SHQ1: variants seen among roughly 807,000 people sequenced by gnomAD.
SHQ1 encodes protein SHQ1 homolog.
Under a neutral mutation model 53.8 loss-of-function variants are expected in SHQ1, and 49 were observed. That is an observed-to-expected ratio of 0.91 (90% CI 0.72 to 1.16). The LOEUF (loss-of-function observed/expected upper bound fraction) is 1.16. Among genes scored for constraint, SHQ1 ranks in the 50% most tolerant of loss-of-function variants. The pLI, the probability that SHQ1 is intolerant of heterozygous loss-of-function variation, is 0.00. For synonymous variants in SHQ1, 243 were observed against 251.0 expected (o/e 0.97, Z 0.30); for missense variants, 738 against 683.1 (o/e 1.08, Z -0.90).
chr3:72,739,572 C>T, the SHQ1 span, among the ~76,000 whole-genome samples: 1 of 152,168 alleles, frequency 6.6e-6, no homozygotes, highest in Non-Finnish European at 1.5e-5. Context: ...CCCTGGCTTC[C>T]CCTTCTGTAT....
intron 10 of SHQ1, among the ~76,000 whole-genome samples, chr3:72,777,980 A>G (rs1278778101): frequency 6.6e-6 from 1 of 152,258 alleles, no homozygotes; most frequent in African/African-American, 2.4e-5. Flanking sequence ...TCCATTACAT[A>G]AAGTCCAAAA....
At chr3:72,845,226 G>A (rs180836210) in intron 1 of SHQ1, among the ~76,000 whole-genome samples, 6 of 152,320 alleles carry the variant, frequency 3.9e-5, no homozygotes, top group African/African-American at 1.4e-4. Context: ...GCTTACGCCT[G>A]TAATCCTAGC....
chr3:72,792,349 G>C (rs1429442504), intron 10 of SHQ1, among the ~76,000 whole-genome samples: 1 of 152,174 alleles, frequency 6.6e-6, no homozygotes, highest in Non-Finnish European at 1.5e-5. Flanking sequence ...CTGTTTTCCA[G>C]GACATACCAA....
In SHQ1 at chr3:72,751,476, A is replaced by ATGTGTGTGTG. The variant is rs372032784; in HGVS notation, c.1182-650_1182-641dup. ...GGTAATATATCTATAATAAGCACAT[A>ATGTGTGTGTG]TGTGTGTGTGTGTGTGTGTGTGTGT... On this transcript the variant is annotated intron_variant, in intron 10 of 10. Transcript: ENST00000325599. 1.6e-3 allele frequency among the ~76,000 whole-genome samples: 180 copies of ATGTGTGTGTG among 109,610 alleles called. 2 individuals carry two copies. The highest frequency in any genetic ancestry group is 7.2e-3 in the African/African-American group (159 of 21,936). The allele number at this position is 109,610 out of a possible 152,430, so 71.9% of individuals were successfully genotyped here. A position where few individuals can be genotyped will look rare whatever the true frequency, so the allele number is the denominator to read the frequency against.
chr3:72,765,084 C>T (rs1705691117), intron 10 of SHQ1, among the ~76,000 whole-genome samples: 1 of 152,176 alleles, frequency 6.6e-6, no homozygotes, highest in Admixed American at 6.5e-5. Context: ...TCTAATGGTT[C>T]CATTGCTCAA....
chr3:72,800,516 A>C (rs1706755427), intron 9 of SHQ1, among the ~76,000 whole-genome samples: 1 of 152,230 alleles, frequency 6.6e-6, no homozygotes, highest in Non-Finnish European at 1.5e-5. Context: ...CTGACCCTCA[A>C]CCACTATGCA....
intron 10 of SHQ1, among the ~76,000 whole-genome samples, chr3:72,763,046 C>T (rs970849926): frequency 2.8e-5 from 4 of 141,140 alleles, no homozygotes; most frequent in East Asian, 2.0e-4. Context: ...CACACACACA[C>T]ACACACACAC....
At chr3:72,746,484 A>G (rs1452933114), downstream of SHQ1, among the ~76,000 whole-genome samples, 1 of 152,196 alleles carries the variant, frequency 6.6e-6, no homozygotes, top group African/African-American at 2.4e-5. Flanking sequence ...GCCCATCTTA[A>G]ACAAAGACAG....
At chr3:72,845,518 T>C (rs956829504) in intron 1 of SHQ1, among the ~76,000 whole-genome samples, 3 of 151,916 alleles carry the variant, frequency 2.0e-5, no homozygotes, top group African/African-American at 7.3e-5. Flanking sequence ...AATGAAGTGA[T>C]TTCCCTGCTT....
At chr3:72,757,372 TTC>T (rs1413587125) in intron 10 of SHQ1, among the ~76,000 whole-genome samples, 2 of 150,480 alleles carry the variant, frequency 1.3e-5, no homozygotes, top group African/African-American at 4.9e-5. Context: ...ATCAAATTTC[TTC>T]TCTTTCCTTT....
Position 72,824,070 on chromosome 3 carries a change from C to T in SHQ1, c.727+354G>A, listed in dbSNP as rs527908190. 2.0e-5 allele frequency among the ~76,000 whole-genome samples: 3 copies of T among 152,218 alleles called. No homozygotes were observed. In the South Asian group the frequency reaches 6.2e-4, roughly 32 times the overall value. On this transcript the variant is annotated intron_variant, in intron 6 of 10. Transcript: ENST00000325599. The stretch of plus-strand genomic sequence containing the variant: ...CCGCCCGTTACTAATACTCAAATGT[C>T]CTTACCAAAGAAGAATGTTCATACC...
intron 9 of SHQ1, among the ~76,000 whole-genome samples, chr3:72,811,023 A>G (rs889736967): frequency 1.6e-4 from 25 of 152,364 alleles, no homozygotes; most frequent in African/African-American, 6.0e-4. Context: ...ATTCTGACCT[A>G]CTAAAACTGG....
chr3:72,729,098 G>A, the SHQ1 span, among the ~76,000 whole-genome samples: 1 of 152,212 alleles, frequency 6.6e-6, no homozygotes, highest in African/African-American at 2.4e-5. Flanking sequence ...GTAAACTGAT[G>A]CGTGAATGAA....
At chr3:72,841,797 C>T (rs1373763664) in intron 3 of SHQ1, among the ~76,000 whole-genome samples, 1 of 152,180 alleles carries the variant, frequency 6.6e-6, no homozygotes, top group Non-Finnish European at 1.5e-5. Flanking sequence ...GAGCACACAA[C>T]CTAGACCCTT....
intron 6 of SHQ1, among the ~76,000 whole-genome samples, chr3:72,819,436 A>G (rs554022245): frequency 1.3e-5 from 2 of 152,158 alleles, no homozygotes; most frequent in Non-Finnish European, 2.9e-5. Context: ...ATGTAGTCAA[A>G]TATGTCCATT....
At chr3:72,746,638 G>C (rs1403865368), downstream of SHQ1, among the ~76,000 whole-genome samples, 1 of 152,182 alleles carries the variant, frequency 6.6e-6, no homozygotes, top group Non-Finnish European at 1.5e-5. Context: ...GCCTGGCTTT[G>C]AGGATGTCCG....
rs76793857 is a variant in SHQ1 at position 72,784,818 on chromosome 3, G to A, written c.1181+8098C>T. Among the ~76,000 whole-genome samples, 1,243 of 152,274 alleles carry A rather than the reference G, an allele frequency of 8.2e-3. 16 individuals are homozygous for A. Among genetic ancestry groups the A allele is most frequent in the African/African-American group, 0.029 (1,202 of 41,536 alleles). The stretch of plus-strand genomic sequence containing the variant: ...CCCCAAAATCACCTTCCACTCTGTA[G>A]ATTTATTATAAACATCAGTGACTTG... On this transcript the variant is annotated intron_variant, in intron 10 of 10. Transcript: ENST00000325599.
chr3:72,765,741 C>T lies in SHQ1; in HGVS notation c.1182-14905G>A, dbSNP rs532614909. Among the ~76,000 whole-genome samples, 53 of 151,376 alleles carry T rather than the reference C, an allele frequency of 3.5e-4. 1 individual carries two copies. The highest frequency in any genetic ancestry group is 1.1e-3 in the African/African-American group (45 of 41,234). ...GCTAATTTTTGTATTTTAGTAGAGA[C>T]GGGGTTTCGCCATGTTGGCCAGGTT... On this transcript the variant is annotated intron_variant, in intron 10 of 10. Coordinates refer to ENST00000325599, the MANE Select transcript of SHQ1 (RefSeq NM_018130.3).
chr3:72,845,723 T>C (rs1184373967), intron 1 of SHQ1, among the ~76,000 whole-genome samples: 3 of 152,144 alleles, frequency 2.0e-5, no homozygotes, highest in Non-Finnish European at 4.4e-5. Context: ...GAGCTTCCTT[T>C]CTTCCCATGG....
Sources: gnomAD v4.1 joint callset for allele counts (sites outside exome capture counted in the v4.1 genomes callset) on GRCh38, gnomAD v4.1.1 for gene constraint, MANE v1.5 for transcripts, NCBI Gene and HGNC (gene_info 2026-07-23, HGNC 2026-07-21) for gene names.